Variants in CC2D2A observed in about 807,000 individuals in gnomAD.
The protein encoded by CC2D2A is coiled-coil and C2 domain containing 2A.
In CC2D2A, 155 loss-of-function variants were observed where a neutral mutation model predicts 212.9. The ratio of observed to expected loss-of-function variants is 0.73; its 90% CI spans 0.64 to 0.83. The LOEUF is 0.83. CC2D2A is among the 40% of genes least tolerant of loss of function. CC2D2A has a pLI of 0.00. For synonymous variants in CC2D2A, 667 were observed against 686.5 expected, an observed-to-expected ratio of 0.97 and a Z score of 0.44; for missense variants, 1,856 against 1,956.2, an observed-to-expected ratio of 0.95 and a Z score of 0.97.
chr4:15,532,682 T>A (rs1475782793), intron 13 of CC2D2A, among the ~76,000 whole-genome samples: 2 of 152,230 alleles, frequency 1.3e-5, no homozygotes, highest in African/African-American at 2.4e-5. Context: ...TAAATAAAGA[T>A]GAAACCATTT....
At chr4:15,585,649 C>T (rs953522955) in intron 30 of CC2D2A, among the ~76,000 whole-genome samples, 10 of 152,036 alleles carry the variant, frequency 6.6e-5, no homozygotes, top group Admixed American at 2.0e-4. Flanking sequence ...ATATTATCAC[C>T]GCAAAGAAAT....
chr4:15,537,244 C>T (rs2109034343), intron 15 of CC2D2A, among the ~76,000 whole-genome samples, 168 bp downstream of exon 15: 1 of 152,298 alleles, frequency 6.6e-6, no homozygotes, highest in Admixed American at 6.5e-5. Flanking sequence ...AATGAATTGA[C>T]TGGCTAATGC....
intron 21 of CC2D2A, 39 bp from the exon 22 acceptor site, chr4:15,559,126 A>G: frequency 1.7e-6 from 2 of 1,174,400 alleles, no homozygotes; most frequent in Non-Finnish European, 2.5e-6. Flanking sequence ...GAAAAGCACC[A>G]GAGAGTGCTT....
At chr4:15,494,675 G>C (rs576451453) in intron 4 of CC2D2A, among the ~76,000 whole-genome samples, 1 of 152,290 alleles carries the variant, frequency 6.6e-6, no homozygotes, top group South Asian at 2.1e-4. Flanking sequence ...AAACCTGCCT[G>C]ACAATAAGAT....
chr4:15,489,923 G>A (rs947984666), intron 4 of CC2D2A, among the ~76,000 whole-genome samples: 12 of 152,142 alleles, frequency 7.9e-5, no homozygotes, highest in Middle Eastern at 3.4e-3. Flanking sequence ...TTCACATCCC[G>A]ACTACTCCAT....
chr4:15,522,229 A>G (rs973056082), intron 11 of CC2D2A, among the ~76,000 whole-genome samples: 1 of 152,182 alleles, frequency 6.6e-6, no homozygotes, highest in Non-Finnish European at 1.5e-5. Flanking sequence ...ATGCATACAT[A>G]CATACATACA....
At position 15,480,690 on chromosome 4, in the gene CC2D2A, CCTT is replaced by C. The variant is rs1413472436; in HGVS notation, c.124-9_124-7del. 2 of 1,605,996 alleles carry C rather than the reference CCTT, an allele frequency of 1.2e-6. No homozygotes were observed. The highest frequency in any genetic ancestry group is 2.2e-5 in the East Asian group (1 of 44,486). On this transcript the variant is annotated splice_polypyrimidine_tract_variant and intron_variant, in intron 3 of 36. Transcript: ENST00000424120. ...GTCCTGGGAGTCTCTGAACCTCTGACCTTCTTCCTCCAGCCACCAACTGCTGTC... is the reference window on the plus strand; with the variant it reads ...GTCCTGGGAGTCTCTGAACCTCTGACCTTCCTCCAGCCACCAACTGCTGTC...
At chr4:15,487,968 T>C (rs1438647723) in intron 4 of CC2D2A, among the ~76,000 whole-genome samples, 1 of 152,066 alleles carries the variant, frequency 6.6e-6, no homozygotes, top group Non-Finnish European at 1.5e-5. Flanking sequence ...CCCCCCTGCT[T>C]TTTTATTTTT....
At position 15,537,880 on chromosome 4, in the gene CC2D2A, G is replaced by A. The variant is rs1381287638; in HGVS notation, c.1765-19G>A. On this transcript the variant is annotated intron_variant, in intron 15 of 36. Transcript: ENST00000424120. ...TTCCAAAATTCCTGTTTGATATCAT[G>A]TTGCCTCTAACTCAACAGAGGGCCA... 1 of 1,573,568 alleles carries A rather than the reference G, an allele frequency of 6.4e-7. No homozygotes were observed. The highest frequency in any genetic ancestry group is 8.6e-7 in the Non-Finnish European group (1 of 1,159,542).
Position 15,514,818 on chromosome 4 carries a change from G to A in CC2D2A, c.829G>A (p.Asp277Asn). Reference protein sequence around the residue: ...VRPADYESIHDRLQMEREMLF... With the variant: ...VRPADYESIHNRLQMEREMLF... Reference sequence around the variant, plus strand: ...ACCTGCAGATTATGAAAGCATCCATGATCGGCTGCAGATGGAAAGAGAAAT... The same window carrying A: ...ACCTGCAGATTATGAAAGCATCCATAATCGGCTGCAGATGGAAAGAGAAAT... The change falls in exon 9 of 37, where the codon GAT (aspartate) becomes AAT (asparagine). Residue 277 changes from aspartate (D) to asparagine (N), a missense_variant. By Grantham distance (23) the Asp-to-Asn change is conservative. Transcript: ENST00000424120. 6.2e-7 allele frequency: 1 copy of A among 1,613,914 alleles called. No homozygotes were observed. Among genetic ancestry groups the A allele is most frequent in the Non-Finnish European group, 8.5e-7 (1 of 1,179,798 alleles).
intron 4 of CC2D2A, among the ~76,000 whole-genome samples, chr4:15,491,670 G>T (rs1193105292): frequency 6.6e-6 from 1 of 152,196 alleles, no homozygotes; most frequent in African/African-American, 2.4e-5. Flanking sequence ...CTCCCAAAGT[G>T]CTGGGATTGC....
intron 19 of CC2D2A, 89 bp from the exon 20 acceptor site, chr4:15,554,983 C>T: frequency 1.5e-6 from 2 of 1,353,792 alleles, no homozygotes; most frequent in South Asian, 1.3e-5. Context: ...TAATAGCTTC[C>T]TCAAGTCATG....
chr4:15,505,151 A>G (rs1716186416), intron 6 of CC2D2A, among the ~76,000 whole-genome samples: 1 of 152,246 alleles, frequency 6.6e-6, no homozygotes, highest in African/African-American at 2.4e-5. Context: ...AATGATTGTT[A>G]GATGCTGTAT....
chr4:15,569,898 A>T (rs1720077360), intron 27 of CC2D2A, among the ~76,000 whole-genome samples: 1 of 152,188 alleles, frequency 6.6e-6, no homozygotes, highest in African/African-American at 2.4e-5. Context: ...AGAGGCCAGG[A>T]ATGCCTAACT....
chr4:15,527,439 C>T lies in CC2D2A; in HGVS notation c.1150-8C>T, dbSNP rs1717566793. ...TGTGTTCTGTCTACACTCTGCTTTCCTTGGCAGGCTGTAAAATACGTTCAC... is the reference window on the plus strand; with the variant it reads ...TGTGTTCTGTCTACACTCTGCTTTCTTTGGCAGGCTGTAAAATACGTTCAC... On this transcript the variant is annotated splice_region_variant and splice_polypyrimidine_tract_variant and intron_variant, in intron 11 of 36. Coordinates refer to ENST00000424120, the MANE Select transcript of CC2D2A (RefSeq NM_001378615.1). 6.2e-7 allele frequency: 1 copy of T among 1,608,342 alleles called. No homozygotes were observed. Among genetic ancestry groups the T allele is most frequent in the Non-Finnish European group, 8.5e-7 (1 of 1,176,480 alleles).
At chr4:15,487,666 G>A (rs1397761536) in intron 4 of CC2D2A, among the ~76,000 whole-genome samples, 1 of 151,910 alleles carries the variant, frequency 6.6e-6, no homozygotes, top group East Asian at 1.9e-4. Context: ...TTATTCACAG[G>A]GAGGGACTTA....
rs185666465 is a variant in CC2D2A at position 15,481,441 on chromosome 4, G to A, written c.247+614G>A. On this transcript the variant is annotated intron_variant, in intron 4 of 36. Coordinates refer to ENST00000424120, the MANE Select transcript of CC2D2A (RefSeq NM_001378615.1). Reference sequence around the variant, plus strand: ...CATGAGAATTGCTTGAACCTGGGAGGTGGAGGTTGCAGTGAGCCGAGATCG... The same window carrying A: ...CATGAGAATTGCTTGAACCTGGGAGATGGAGGTTGCAGTGAGCCGAGATCG... 4 of 329,238 alleles carry A rather than the reference G, an allele frequency of 1.2e-5. No homozygotes were observed. In the East Asian group the frequency reaches 3.2e-4, roughly 26 times the overall value. The allele number at this position is 329,238 out of a possible 1,614,324, so 20.4% of individuals were successfully genotyped here. A position where few individuals can be genotyped will look rare whatever the true frequency, so the allele number is the denominator to read the frequency against.
At chr4:15,470,691 ATATATATATATATATAT>A (rs1713733171) in intron 1 of CC2D2A, among the ~76,000 whole-genome samples, 1 of 33,218 alleles carries the variant, frequency 3.0e-5, no homozygotes, top group Non-Finnish European at 5.2e-5. Flanking sequence ...CTCTCTCTCT[ATATATATATATATATAT>A]ATATATATAT....
chr4:15,508,719 G>C (rs894124537), intron 6 of CC2D2A, among the ~76,000 whole-genome samples: 9 of 152,214 alleles, frequency 5.9e-5, no homozygotes, highest in Non-Finnish European at 1.2e-4. Flanking sequence ...TGAGGAACAG[G>C]TAGGACTTGG....
Sources: allele counts gnomAD v4.1 joint callset (sites outside exome capture counted in the v4.1 genomes callset), GRCh38; gene constraint gnomAD v4.1.1; transcripts MANE v1.5; gene names NCBI Gene and HGNC (gene_info 2026-07-23, HGNC 2026-07-21).